Variants in DMD observed in about 807,000 individuals in gnomAD.
DMD encodes dystrophin.
In DMD, 63 loss-of-function variants were observed where a neutral mutation model predicts 330.1. The observed-to-expected ratio is 0.19, with a 90% CI of 0.16 to 0.24. DMD has a LOEUF of 0.24. DMD is among the 10% of genes least tolerant of loss of function. DMD has a pLI of 1.00. For missense variants in DMD, 3,344 were observed against 2,684.1 expected (o/e 1.25, Z -5.43); for synonymous variants, 1,223 against 959.8 (o/e 1.27, Z -5.07).
chrX:32,674,114 G>A (rs1294979787), intron 9 of DMD, among the ~76,000 whole-genome samples: 2 of 111,557 alleles, frequency 1.8e-5, no homozygotes, highest in African/African-American at 6.5e-5. Context: ...ATGAACAGAA[G>A]GAAAAATCAC....
intron 50 of DMD, among the ~76,000 whole-genome samples, chrX:31,803,953 C>T (rs980429981): frequency 1.8e-5 from 2 of 110,756 alleles, no homozygotes; most frequent in African/African-American, 6.6e-5. Context: ...CCCACCTCGG[C>T]CCCCCAAAGT....
At chrX:32,401,154 G>A in intron 30 of DMD, among the ~76,000 whole-genome samples, 1 of 95,903 alleles carries the variant, frequency 1.0e-5, no homozygotes, top group Non-Finnish European at 2.1e-5. Context: ...ACACAGGAAG[G>A]GGAACATCAC....
chrX:32,788,724 CAG>C (rs920557612), intron 7 of DMD, among the ~76,000 whole-genome samples: 1 of 97,213 alleles, frequency 1.0e-5, no homozygotes, highest in Non-Finnish European at 1.9e-5. Flanking sequence ...GCATTAATAT[CAG>C]AGATCATAAA....
chrX:31,622,877 T>TATACACAC (rs1361969125), intron 55 of DMD, among the ~76,000 whole-genome samples: 25 of 70,309 alleles, frequency 3.6e-4, no homozygotes, highest in Admixed American at 8.4e-4. Flanking sequence ...TATATATATA[T>TATACACAC]ACACACACAC....
At position 31,585,795 on chromosome X, in the gene DMD, T is replaced by C. The variant is rs145174957; in HGVS notation, c.8217+41878A>G. Among the ~76,000 whole-genome samples the C allele has an allele frequency of 2.7e-5, 3 of 111,930 alleles. No individual in the cohort carries two copies. In the South Asian group the frequency reaches 1.1e-3, roughly 42 times the overall value. On this transcript the variant is annotated intron_variant, in intron 55 of 78. Transcript: ENST00000357033. ...AGCAACAATAGTATCCCCTGGGAAT[T>C]TGATAGAAATGCAAATTATCAGGCC...
intron 51 of DMD, among the ~76,000 whole-genome samples, chrX:31,763,919 A>T (rs12011088): frequency 0.083 from 9,221 of 110,949 alleles, 550 homozygotes; most frequent in African/African-American, 0.19. Flanking sequence ...TCCATTGCCC[A>T]GGTTGGAATC....
chrX:31,452,836 A>G (rs1164281505), intron 59 of DMD, among the ~76,000 whole-genome samples: 1 of 111,780 alleles, frequency 8.9e-6, no homozygotes, highest in Non-Finnish European at 1.9e-5. Context: ...CTTCATGTAT[A>G]AAATTTGGAA....
chrX:32,332,426 G>GTGTGTGTT (rs2097685271), intron 41 of DMD, among the ~76,000 whole-genome samples: 1 of 109,235 alleles, frequency 9.2e-6, no homozygotes, highest in Non-Finnish European at 1.9e-5. Context: ...GTGTGTGTGT[G>GTGTGTGTT]TGTGTGTGTG....
chrX:31,434,416 G>GCACA (rs1224316070), intron 60 of DMD, among the ~76,000 whole-genome samples: 2 of 66,384 alleles, frequency 3.0e-5, no homozygotes, highest in Admixed American at 1.8e-4. Flanking sequence ...TGCAGCGCGC[G>GCACA]CGCACACACA....
chrX:33,236,159 G>A (rs1569559015), intron 1 of DMD, among the ~76,000 whole-genome samples: 1 of 107,793 alleles, frequency 9.3e-6, no homozygotes, highest in Non-Finnish European at 1.9e-5. Context: ...CTCGTGATCC[G>A]CCCGCCTCGG....
In DMD at chrX:33,211,493, T is replaced by A. The variant is rs398123822; in HGVS notation, c.-181A>T. On this transcript the variant is annotated 5_prime_UTR_variant, in exon 1 of 79. Coordinates refer to ENST00000357033, the MANE Select transcript of DMD (RefSeq NM_004006.3). The stretch of plus-strand genomic sequence containing the variant: ...AAGGTAATTGCCTCCCAGATCTGAG[T>A]CCTGTAGGGGGAAAGTGAGTGATCC... The A allele has an allele frequency of 1.8e-6, 2 of 1,101,513 alleles. No individual in the cohort carries two copies. Among genetic ancestry groups the A allele is most frequent in the Non-Finnish European group, 2.4e-6 (2 of 841,196 alleles). 90.8% of individuals were successfully genotyped at this position (1,101,513 alleles called of 1,213,427 possible). A position where few individuals can be genotyped will look rare whatever the true frequency, so the allele number is the denominator to read the frequency against.
chrX:33,231,985 C>T (rs1003721581), intron 1 of DMD, among the ~76,000 whole-genome samples: 8 of 110,229 alleles, frequency 7.3e-5, no homozygotes, highest in Admixed American at 3.9e-4. Flanking sequence ...CAGAGCAGAA[C>T]AAAAAAGAGC....
chrX:32,743,488 T>C (rs1358225440), intron 7 of DMD, among the ~76,000 whole-genome samples: 1 of 111,293 alleles, frequency 9.0e-6, no homozygotes, highest in Non-Finnish European at 1.9e-5. Context: ...AACATCGATA[T>C]CTGAGCCAAA....
chrX:32,428,293 T>A (rs1309072118), intron 29 of DMD, among the ~76,000 whole-genome samples: 2 of 112,081 alleles, frequency 1.8e-5, no homozygotes, highest in Admixed American at 1.9e-4. Flanking sequence ...AATTATTTAC[T>A]TTAGTCAAGT....
intron 46 of DMD, among the ~76,000 whole-genome samples, chrX:31,931,514 A>G (rs1007227545): frequency 9.0e-6 from 1 of 110,722 alleles, no homozygotes; most frequent in Admixed American, 9.7e-5. Flanking sequence ...CAGCTAAAAC[A>G]AAACATTGCT....
At chrX:32,140,825 C>T (rs1348443468) in intron 44 of DMD, among the ~76,000 whole-genome samples, 1 of 110,815 alleles carries the variant, frequency 9.0e-6, no homozygotes, top group Non-Finnish European at 1.9e-5. Flanking sequence ...TTCAAATGAC[C>T]TCCCACTGGA....
chrX:32,367,935 C>A (rs909794134), intron 34 of DMD, among the ~76,000 whole-genome samples: 1 of 110,985 alleles, frequency 9.0e-6, no homozygotes, highest in African/African-American at 3.3e-5. Flanking sequence ...TAGAGTTAAA[C>A]TTTTATGTAT....
intron 17 of DMD, among the ~76,000 whole-genome samples, chrX:32,523,774 C>A (rs1300791806): frequency 9.0e-6 from 1 of 111,247 alleles, no homozygotes; most frequent in Admixed American, 9.6e-5. Context: ...CTGCTATGAC[C>A]TGTATAAGGA....
At chrX:32,462,666 T>C (rs1337457556) in intron 25 of DMD, among the ~76,000 whole-genome samples, 1 of 111,126 alleles carries the variant, frequency 9.0e-6, no homozygotes, top group Non-Finnish European at 1.9e-5. Context: ...TATTTAAAAC[T>C]AGATGTCAGC....
Sources: allele counts gnomAD v4.1 joint callset (sites outside exome capture counted in the v4.1 genomes callset), GRCh38; gene constraint gnomAD v4.1.1; transcripts MANE v1.5; gene names NCBI Gene and HGNC (gene_info 2026-07-23, HGNC 2026-07-21).